CARD14: variants seen among roughly 807,000 people sequenced by gnomAD.
The protein encoded by CARD14 is caspase recruitment domain family member 14, also known as caspase recruitment domain-containing protein 14.
Under a neutral mutation model 111.5 loss-of-function variants are expected in CARD14, and 107 were observed. The observed-to-expected ratio is 0.96, with a 90% CI of 0.82 to 1.13. The LOEUF (loss-of-function observed/expected upper bound fraction) is 1.13, where lower values mean the gene tolerates loss of function less well. CARD14 is among the 50% of genes most tolerant of loss of function. The pLI, the probability that CARD14 is intolerant of heterozygous loss-of-function variation, is 0.00. For synonymous variants in CARD14, 617 were observed against 579.6 expected, an observed-to-expected ratio of 1.06 and a Z score of -0.93; for missense variants, 1,322 against 1,362.3, an observed-to-expected ratio of 0.97 and a Z score of 0.47.
intron 7 of CARD14, chr17:80,187,816 C>G (rs1469903813): frequency 6.1e-6 from 6 of 985,338 alleles, no homozygotes; most frequent in African/African-American, 1.7e-5. Flanking sequence ...AGGAAGGAGG[C>G]CAGCAGGACC....
At chr17:80,184,622 C>T (rs1598641542) in intron 7 of CARD14, among the ~76,000 whole-genome samples, 2 of 152,206 alleles carry the variant, frequency 1.3e-5, no homozygotes, top group African/African-American at 4.8e-5. Flanking sequence ...CTCTGTCATC[C>T]TCCTTTGTCC....
At chr17:80,190,341 G>C (rs372630039) in intron 9 of CARD14, among the ~76,000 whole-genome samples, 1 of 152,060 alleles carries the variant, frequency 6.6e-6, no homozygotes, top group Non-Finnish European at 1.5e-5. Context: ...GAGGCCGGGC[G>C]CGGTGGCCCA....
At chr17:80,191,220 G>C in intron 10 of CARD14, 103 bp from the exon 11 acceptor site, 1 of 1,401,530 alleles carries the variant, frequency 7.1e-7, no homozygotes, top group Non-Finnish European at 9.9e-7. Flanking sequence ...GGGCCATTTA[G>C]TGGATGTCAG....
chr17:80,189,070 C>T lies in CARD14; in HGVS notation c.843+526C>T, dbSNP rs560557666. ...GTCTCAAACAAACAAAAATAAAAGC[C>T]GCTGGAGGTGCATCACAATGCCCGA... On this transcript the variant is annotated intron_variant, in intron 8 of 23. Coordinates refer to ENST00000648509, the MANE Select transcript of CARD14 (RefSeq NM_001366385.1). This position sits in a 1 kb window ranked among gnomAD's most constrained non-coding sequence, Gnocchi z 4.7. Among the ~76,000 whole-genome samples the T allele has an allele frequency of 1.3e-5, 2 of 152,094 alleles. No individual in the cohort carries two copies. Among genetic ancestry groups the T allele is most frequent in the African/African-American group, 4.8e-5 (2 of 41,518 alleles).
In CARD14 at chr17:80,208,300, C is replaced by A. The variant is rs376031523; in HGVS notation, c.2970C>A (p.Ala990=). ...TCAGCTGTGTCCGCCAGGCCATCGCCGACGAGCAGAAGAAGGTGGTGTGGA... is the reference window on the plus strand; with the variant it reads ...TCAGCTGTGTCCGCCAGGCCATCGCAGACGAGCAGAAGAAGGTGGTGTGGA... ...GLLSCVRQAI[A]DEQKKVVWTE... Residue 990 remains alanine, a synonymous_variant, in exon 24 of 24, where the codon GCC becomes GCA. Coordinates refer to ENST00000648509, the MANE Select transcript of CARD14 (RefSeq NM_001366385.1). 3.7e-6 allele frequency: 6 copies of A among 1,604,968 alleles called. No homozygotes were observed. Among genetic ancestry groups the A allele is most frequent in the Non-Finnish European group, 5.1e-6 (6 of 1,176,958 alleles).
At chr17:80,176,184 C>T (rs1005014686) in intron 2 of CARD14, among the ~76,000 whole-genome samples, 2 of 149,224 alleles carry the variant, frequency 1.3e-5, no homozygotes, top group African/African-American at 2.5e-5. Flanking sequence ...AATCCTAGCA[C>T]TTTCGGAGGC....
rs556621890 is a variant in CARD14, at chr17:80,180,017, A to G, written c.-21+716A>G. Among the ~76,000 whole-genome samples the G allele has an allele frequency of 3.3e-5, 5 of 152,326 alleles. No homozygotes were observed. In the East Asian group the frequency reaches 7.7e-4, roughly 23 times the overall value. ...TATTTGTTATTTGCAGGATTTTTTAATATGCTGAAAACAGTGCACAGTTTT... is the reference window on the plus strand; with the variant it reads ...TATTTGTTATTTGCAGGATTTTTTAGTATGCTGAAAACAGTGCACAGTTTT... On this transcript the variant is annotated intron_variant, in intron 4 of 23. Coordinates refer to ENST00000648509, the MANE Select transcript of CARD14 (RefSeq NM_001366385.1).
chr17:80,207,109 C>A, intron 23 of CARD14, 24 bp downstream of exon 23: 1 of 1,571,774 alleles, frequency 6.4e-7, no homozygotes, highest in Non-Finnish European at 8.7e-7. Flanking sequence ...GGGGGCTGGG[C>A]AGGGGCTTCG....
rs541645056 is a variant in CARD14 at position 80,209,321 on chromosome 17, C to T, written c.*976C>T. On this transcript the variant is annotated 3_prime_UTR_variant, in exon 24 of 24. Transcript: ENST00000648509. ...CTGTATATTTTACTAAAATAAAAAG[C>T]TTTTACAATAGCTGGCCTGTGGCCT... The T allele has an allele frequency of 3.3e-4, 328 of 985,318 alleles. 2 individuals carry two copies. The African/African-American group carries it at 5.2e-3, about 16-fold the overall frequency. The allele number at this position is 985,318 out of a possible 1,614,324, so 61.0% of individuals were successfully genotyped here. A position where few individuals can be genotyped will look rare whatever the true frequency, so the allele number is the denominator to read the frequency against.
At chr17:80,191,900 G>A (rs1260487375) in intron 11 of CARD14, among the ~76,000 whole-genome samples, 2 of 152,200 alleles carry the variant, frequency 1.3e-5, no homozygotes, top group East Asian at 1.9e-4. Context: ...CGGAGGGAGC[G>A]TGTTCCCAGA....
intron 11 of CARD14, 149 bp downstream of exon 11, chr17:80,191,621 CCA>C (rs1489661733): frequency 1.0e-6 from 1 of 959,284 alleles, no homozygotes; most frequent in Non-Finnish European, 1.5e-6. Flanking sequence ...CAGAGACGGC[CCA>C]GTGTCACTGT....
At chr17:80,184,310 A>G (rs1456170361) in intron 7 of CARD14, 72 bp downstream of exon 7, 3 of 1,267,800 alleles carry the variant, frequency 2.4e-6, no homozygotes, top group Non-Finnish European at 3.2e-6. Context: ...TAGCTGGTCC[A>G]TCTCCCTGGA....
chr17:80,176,970 G>A (rs908539532), intron 2 of CARD14, among the ~76,000 whole-genome samples: 5 of 152,290 alleles, frequency 3.3e-5, no homozygotes, highest in African/African-American at 7.2e-5. Context: ...TCTGGCTGCC[G>A]TCATAAATTA....
intron 5 of CARD14, 94 bp downstream of exon 5, chr17:80,181,743 C>T (rs1399087132): frequency 1.7e-6 from 2 of 1,163,648 alleles, no homozygotes; most frequent in Non-Finnish European, 2.4e-6. Flanking sequence ...CTCTTCTCGT[C>T]CTGTCTCTTA....
intron 22 of CARD14, 108 bp from the exon 23 acceptor site, chr17:80,206,862 G>C (rs1241193498): frequency 3.3e-6 from 2 of 614,808 alleles, no homozygotes; most frequent in Non-Finnish European, 5.6e-6. Flanking sequence ...CCCAGCTCCT[G>C]CCCTGCCCTC....
intron 2 of CARD14, among the ~76,000 whole-genome samples, chr17:80,176,006 T>C (rs2040018184): frequency 7.8e-6 from 1 of 128,050 alleles, no homozygotes; most frequent in Non-Finnish European, 1.6e-5. Flanking sequence ...AACGGGATCG[T>C]GCTATGTTGC....
chr17:80,195,810 T>C lies in CARD14; in HGVS notation c.1594+158T>C, dbSNP rs2040694528. On this transcript the variant is annotated intron_variant, in intron 14 of 23. Coordinates refer to ENST00000648509, the MANE Select transcript of CARD14 (RefSeq NM_001366385.1). This position sits in a 1 kb window ranked among gnomAD's most constrained non-coding sequence, Gnocchi z 4.7. The stretch of plus-strand genomic sequence containing the variant: ...TTGACCTTGGCCTCGACCTTGCACT[T>C]TGGGAAAGTCCCGCCTGCCAGCCAG... The C allele has an allele frequency of 1.6e-6, 1 of 637,384 alleles. No individual in the cohort carries two copies. Among genetic ancestry groups the C allele is most frequent in the Non-Finnish European group, 2.7e-6 (1 of 372,044 alleles). The allele number at this position is 637,384 out of a possible 1,614,324, so 39.5% of individuals were successfully genotyped here. A position where few individuals can be genotyped will look rare whatever the true frequency, so the allele number is the denominator to read the frequency against.
rs1288507245 is a variant in CARD14 at position 80,195,427 on chromosome 17, G to A, written c.1499+94G>A. On this transcript the variant is annotated intron_variant, in intron 13 of 23. Transcript: ENST00000648509. This position sits in a 1 kb window ranked among gnomAD's most constrained non-coding sequence, Gnocchi z 4.7. ...ACCAACCTAGACCTCAGGGCATCTG[G>A]GTATTGCAGGCAGCAGCTCCTGCCC... 3.3e-6 allele frequency: 5 copies of A among 1,521,780 alleles called. No individual in the cohort carries two copies. Among genetic ancestry groups the A allele is most frequent in the Non-Finnish European group, 3.5e-6 (4 of 1,130,412 alleles). The allele number at this position is 1,521,780 out of a possible 1,614,324, so 94.3% of individuals were successfully genotyped here.
At position 80,188,021 on chromosome 17, in the gene CARD14, A is replaced by G. The variant is rs1426077322; in HGVS notation, c.676-356A>G. 14 of 962,788 alleles carry G rather than the reference A, an allele frequency of 1.5e-5. No homozygotes were observed. The Admixed American group carries it at 7.8e-4, about 54-fold the overall frequency. 59.6% of individuals were successfully genotyped at this position (962,788 alleles called of 1,614,324 possible). On this transcript the variant is annotated intron_variant, in intron 7 of 23. Coordinates refer to ENST00000648509, the MANE Select transcript of CARD14 (RefSeq NM_001366385.1). The surrounding 1 kb of genome is among the most constrained non-coding windows in gnomAD (Gnocchi z 4.5). The stretch of plus-strand genomic sequence containing the variant: ...TCTTGATGTATTTAGCAGAACATGG[A>G]CAAGCAGGGAAGCCAGGGAGCATGC...
Sources: allele counts gnomAD v4.1 joint callset (sites outside exome capture counted in the v4.1 genomes callset), GRCh38; gene constraint gnomAD v4.1.1; non-coding constraint Gnocchi (gnomAD v3.1); transcripts MANE v1.5; gene names NCBI Gene and HGNC (gene_info 2026-07-23, HGNC 2026-07-21).